Variants in DAW1 observed in about 807,000 individuals in gnomAD.
The protein encoded by DAW1 is dynein assembly factor with WD repeats 1.
DAW1 carries 47 observed loss-of-function variants against 56.5 expected under a neutral mutation model. The ratio of observed to expected loss-of-function variants is 0.83; its 90% confidence interval spans 0.66 to 1.06. The LOEUF (loss-of-function observed/expected upper bound fraction) is 1.06. DAW1 is among the 50% of genes least tolerant of loss of function. The pLI is 0.00. For synonymous variants in DAW1, 190 were observed against 179.0 expected (o/e 1.06, Z -0.49); for missense variants, 505 against 499.3 (o/e 1.01, Z -0.11).
chr2:227,891,168 A>C, intron 3 of DAW1, 87 bp from the exon 4 acceptor site: 3 of 1,238,032 alleles, frequency 2.4e-6, no homozygotes, highest in Non-Finnish European at 3.5e-6. Context: ...AATTAAGAAA[A>C]AATTGAATGT....
chr2:227,917,442 A>G (rs1337917506), intron 10 of DAW1, among the ~76,000 whole-genome samples: 2 of 151,932 alleles, frequency 1.3e-5, no homozygotes, highest in African/African-American at 4.8e-5. Flanking sequence ...TTGTATTTTT[A>G]GTAGAGACGG....
At chr2:227,917,106 A>G (rs1388176420) in intron 10 of DAW1, among the ~76,000 whole-genome samples, 1 of 151,634 alleles carries the variant, frequency 6.6e-6, no homozygotes, top group African/African-American at 2.4e-5. Flanking sequence ...ATGACCATGC[A>G]TGACAGTATC....
chr2:227,885,047 C>T (rs1691092899), intron 1 of DAW1, among the ~76,000 whole-genome samples: 1 of 152,094 alleles, frequency 6.6e-6, no homozygotes, highest in African/African-American at 2.4e-5. Context: ...CCGGGAATCT[C>T]ACCATGTAGT....
chr2:227,878,422 A>G (rs767862292), intron 1 of DAW1, among the ~76,000 whole-genome samples: 6 of 152,178 alleles, frequency 3.9e-5, no homozygotes, highest in Non-Finnish European at 7.4e-5. Flanking sequence ...AAGGGTTTAT[A>G]TTCTGATAAT....
At chr2:227,883,949 T>A (rs2106189727) in intron 1 of DAW1, among the ~76,000 whole-genome samples, 1 of 152,326 alleles carries the variant, frequency 6.6e-6, no homozygotes, top group East Asian at 1.9e-4. Flanking sequence ...AAATAATTTT[T>A]AAGAGTGTAA....
chr2:227,923,554 C>T (rs1692156498), intron 12 of DAW1, among the ~76,000 whole-genome samples: 1 of 152,148 alleles, frequency 6.6e-6, no homozygotes, highest in Non-Finnish European at 1.5e-5. Context: ...TCTTCCTAAG[C>T]TTATCATCCA....
chr2:227,921,673 A>G, intron 12 of DAW1, 112 bp downstream of exon 12: 1 of 1,189,666 alleles, frequency 8.4e-7, no homozygotes, highest in Non-Finnish European at 1.2e-6. Flanking sequence ...TTCTGGAGTC[A>G]CTAGCTCATC....
intron 5 of DAW1, among the ~76,000 whole-genome samples, chr2:227,896,990 G>A (rs1350896242): frequency 6.6e-6 from 1 of 151,678 alleles, no homozygotes; most frequent in Non-Finnish European, 1.5e-5. Flanking sequence ...GGAGGCTGTG[G>A]TAGGAGGACT....
In DAW1 at chr2:227,885,722, CTGA is replaced by C. The variant is rs1203009958; in HGVS notation, c.113+302_113+304del. Among the ~76,000 whole-genome samples, 7 of 152,236 alleles carry C rather than the reference CTGA, an allele frequency of 4.6e-5. No individual in the cohort carries two copies. The East Asian group carries it at 1.3e-3, about 29-fold the overall frequency. ...GTAGAGTTTCCACACCCCGATTCCCCTGATGTTAACATCTCAGATTAGCGGTGT... is the reference window on the plus strand; with the variant it reads ...GTAGAGTTTCCACACCCCGATTCCCCTGTTAACATCTCAGATTAGCGGTGT... On this transcript the variant is annotated intron_variant, in intron 2 of 12. Transcript: ENST00000309931.
chr2:227,894,308 C>T (rs566527429), intron 5 of DAW1, among the ~76,000 whole-genome samples: 12 of 151,868 alleles, frequency 7.9e-5, no homozygotes, highest in Admixed American at 3.3e-4. Flanking sequence ...CCCAGCTACT[C>T]GGGAGGCTGA....
At chr2:227,874,224 A>T (rs1450479719) in intron 1 of DAW1, among the ~76,000 whole-genome samples, 2 of 152,196 alleles carry the variant, frequency 1.3e-5, no homozygotes, top group African/African-American at 4.8e-5. Context: ...CACCATATAC[A>T]ATAATAAAAA....
At chr2:227,906,116 T>C (rs1691673750) in intron 8 of DAW1, 120 bp from the exon 9 acceptor site, 1 of 616,898 alleles carries the variant, frequency 1.6e-6, no homozygotes, top group Non-Finnish European at 2.7e-6. Context: ...TCATCAAATA[T>C]ATTATTTTGT....
intron 6 of DAW1, among the ~76,000 whole-genome samples, chr2:227,900,193 A>T (rs1160339795): frequency 6.6e-6 from 1 of 152,198 alleles, no homozygotes; most frequent in African/African-American, 2.4e-5. Context: ...TTTACAGAGT[A>T]GGGTACTGAG....
chr2:227,904,944 A>T lies in DAW1; in HGVS notation c.664A>T (p.Ile222Phe). 1.2e-6 allele frequency: 2 copies of T among 1,613,272 alleles called. No individual in the cohort carries two copies. Among genetic ancestry groups the T allele is most frequent in the South Asian group, 2.2e-5 (2 of 90,960 alleles). Residue 222 changes from isoleucine to phenylalanine, a missense_variant, in exon 8 of 13, where the codon ATC becomes TTC. By Grantham distance (21) the Ile-to-Phe change is conservative. Transcript: ENST00000309931. ...VYTLRGHSAE[I>F]ISLSFNTSGD... ...CTTTTTCTAGGGACATTCTGCCGAA[A>T]TCATCTCCTTGTCATTTAACACCTC...
intron 1 of DAW1, among the ~76,000 whole-genome samples, chr2:227,880,431 C>T (rs1230805798): frequency 1.3e-5 from 2 of 150,100 alleles, no homozygotes; most frequent in Non-Finnish European, 3.0e-5. Flanking sequence ...TGGCTCTCCA[C>T]AGAATCTTTC....
At chr2:227,880,567 G>T (rs1393360783) in intron 1 of DAW1, among the ~76,000 whole-genome samples, 4 of 152,140 alleles carry the variant, frequency 2.6e-5, no homozygotes, top group African/African-American at 9.7e-5. Flanking sequence ...ACTAGCATTT[G>T]CTTGCTGTGC....
At chr2:227,921,610 T>TA (rs1404375590) in intron 12 of DAW1, 49 bp downstream of exon 12, 1 of 1,572,046 alleles carries the variant, frequency 6.4e-7, no homozygotes, top group Non-Finnish European at 8.7e-7. Context: ...GATTGGCTGT[T>TA]AGAGTTCCCA....
chr2:227,910,681 C>T (rs1331153267), intron 10 of DAW1, among the ~76,000 whole-genome samples: 1 of 152,106 alleles, frequency 6.6e-6, no homozygotes, highest in Admixed American at 6.6e-5. Flanking sequence ...TTCATAATAA[C>T]CATTTATTAC....
chr2:227,887,352 A>C (rs1010114767), intron 2 of DAW1, among the ~76,000 whole-genome samples: 2 of 152,190 alleles, frequency 1.3e-5, no homozygotes, highest in Admixed American at 6.5e-5. Context: ...GCATGCAGGA[A>C]GTTTCTTTGT....
Sources: gnomAD v4.1 joint callset for allele counts (sites outside exome capture counted in the v4.1 genomes callset) on GRCh38, gnomAD v4.1.1 for gene constraint, MANE v1.5 for transcripts, NCBI Gene and HGNC (gene_info 2026-07-23, HGNC 2026-07-21) for gene names.